The following ZNF324 variants were observed in gnomAD, a reference collection of about 807,000 sequenced individuals.
ZNF324 encodes zinc finger protein 324, also known as zinc finger protein 324A.
A neutral mutation model predicts 10.3 loss-of-function variants in ZNF324; 3 were observed. The ratio of observed to expected loss-of-function variants is 0.29; its 90% CI spans 0.13 to 0.75. The LOEUF is 0.75. ZNF324 is among the 30% of genes least tolerant of loss of function. The pLI is 0.69. For synonymous variants in ZNF324, 430 were observed against 339.5 expected, an observed-to-expected ratio of 1.27 and a Z score of -2.93; for missense variants, 763 against 784.4, an observed-to-expected ratio of 0.97 and a Z score of 0.33.
chr19:58,469,344 A>T, intron 2 of ZNF324, 38 bp downstream of exon 2: 1 of 1,606,802 alleles, frequency 6.2e-7, no homozygotes, highest in Non-Finnish European at 8.5e-7. Flanking sequence ...GGCAACTGAT[A>T]ACAAGCTGAC....
chr19:58,474,975 G>A lies in ZNF324; in HGVS notation c.*2821G>A, dbSNP rs571211037. ...GAGACGGGAGACCTATATCAAAGCTGCCTGGGGAACAACTACTGAAGAAGC... is the reference window on the plus strand; with the variant it reads ...GAGACGGGAGACCTATATCAAAGCTACCTGGGGAACAACTACTGAAGAAGC... On this transcript the variant is annotated 3_prime_UTR_variant, in exon 4 of 4. Transcript: ENST00000196482. 13 of 152,328 alleles carry A rather than the reference G, an allele frequency of 8.5e-5. No individual in the cohort carries two copies. Among genetic ancestry groups the A allele is most frequent in the Non-Finnish European group, 1.8e-4 (12 of 68,038 alleles). The allele number at this position is 152,328 out of a possible 1,614,324, so 9.4% of individuals were successfully genotyped here.
Position 58,472,461 on chromosome 19 carries a change from C to T in ZNF324, c.*307C>T, listed in dbSNP as rs185942096. ...ACAGTCACAGCACTGCACTGTGGTGCGGCTTCATGTGATATGACAGTGGAT... is the reference window on the plus strand; with the variant it reads ...ACAGTCACAGCACTGCACTGTGGTGTGGCTTCATGTGATATGACAGTGGAT... On this transcript the variant is annotated 3_prime_UTR_variant, in exon 4 of 4. Coordinates refer to ENST00000196482, the MANE Select transcript of ZNF324 (RefSeq NM_014347.3). 9 of 384,218 alleles carry T rather than the reference C, an allele frequency of 2.3e-5. No individual in the cohort carries two copies. The highest frequency in any genetic ancestry group is 8.2e-5 in the East Asian group (2 of 24,312). The allele number at this position is 384,218 out of a possible 1,614,324, so 23.8% of individuals were successfully genotyped here. A position where few individuals can be genotyped will look rare whatever the true frequency, so the allele number is the denominator to read the frequency against.
In ZNF324 at chr19:58,471,275, G is replaced by A. The variant is rs760237175; in HGVS notation, c.783G>A (p.Ala261=). 7.4e-6 allele frequency: 12 copies of A among 1,613,514 alleles called. No homozygotes were observed. The highest frequency in any genetic ancestry group is 2.2e-5 in the East Asian group (1 of 44,880). ...GGGAGAAGTCCTTCGAATGCAGGGC[G>A]TGCAGCAAAGTGTTCGTGAAGAGCT... ...HAGEKSFECR[A]CSKVFVKSSD... The change falls in exon 4 of 4, where the codon GCG becomes GCA. Residue 261 remains alanine (A), a synonymous_variant. Transcript: ENST00000196482.
chr19:58,471,826 T>A lies in ZNF324; in HGVS notation c.1334T>A (p.Leu445His), dbSNP rs767570409. Residue 445 changes from leucine (L) to histidine (H), a missense_variant, in exon 4 of 4, where the codon CTC becomes CAC. Physicochemically the swap from Leu to His is moderately conservative, Grantham distance 99. Around this residue, in one of 3 missense-constraint regions of ZNF324, gnomAD observed 231 missense variants for 196.0 expected, o/e 1.18. Coordinates refer to ENST00000196482, the MANE Select transcript of ZNF324 (RefSeq NM_014347.3). Reference sequence around the variant, plus strand: ...AGCTCCAACCTCACCCAGCACCAGCTCCTGCACACGGGCGAGCGGCCCTTC... The same window carrying A: ...AGCTCCAACCTCACCCAGCACCAGCACCTGCACACGGGCGAGCGGCCCTTC... ...SHSSNLTQHQ[L>H]LHTGERPFRC... 1 of 1,612,808 alleles carries A rather than the reference T, an allele frequency of 6.2e-7. No homozygotes were observed.
At position 58,471,432 on chromosome 19, in the gene ZNF324, G is replaced by A. The variant is rs746716576; in HGVS notation, c.940G>A (p.Ala314Thr). ...CATCCACAGCGGCGAGACGCCCTACGCGTGCCCCGTGTGCGGCAAGGCCTT... is the reference window on the plus strand; with the variant it reads ...CATCCACAGCGGCGAGACGCCCTACACGTGCCCCGTGTGCGGCAAGGCCTT... ...QRIHSGETPY[A>T]CPVCGKAFRH... The change falls in exon 4 of 4, where the codon GCG becomes ACG. Residue 314 changes from alanine (A) to threonine (T), a missense_variant. Transcript: ENST00000196482. The A allele has an allele frequency of 5.6e-6, 9 of 1,606,292 alleles. No homozygotes were observed. Among genetic ancestry groups the A allele is most frequent in the Admixed American group, 1.7e-5 (1 of 59,488 alleles).
At chr19:58,469,416 G>A (rs1023245086) in intron 2 of ZNF324, 110 bp downstream of exon 2, 3 of 1,419,386 alleles carry the variant, frequency 2.1e-6, no homozygotes, top group African/African-American at 2.9e-5. Flanking sequence ...CTTGCAGCCA[G>A]GAGCCATGTG....
At chr19:58,470,674 G>A in intron 3 of ZNF324, 57 bp from the exon 4 acceptor site, 4 of 1,609,400 alleles carry the variant, frequency 2.5e-6, no homozygotes, top group Non-Finnish European at 3.4e-6. Context: ...CACTCAGCCT[G>A]CCCTGGTCCT....
At position 58,475,360 on chromosome 19, in the gene ZNF324, G is replaced by A. The variant is rs1049099105; in HGVS notation, c.*3206G>A. The stretch of plus-strand genomic sequence containing the variant: ...TTAGAAAACTGTAACACTGCTTATT[G>A]GGAGAAACTAGTGTCACCCTGGCTA... On this transcript the variant is annotated 3_prime_UTR_variant, in exon 4 of 4. Coordinates refer to ENST00000196482, the MANE Select transcript of ZNF324 (RefSeq NM_014347.3). The A allele has an allele frequency of 1.2e-4, 18 of 152,158 alleles. No homozygotes were observed. Among genetic ancestry groups the A allele is most frequent in the South Asian group, 2.1e-4 (1 of 4,824 alleles). The allele number at this position is 152,158 out of a possible 1,614,324, so 9.4% of individuals were successfully genotyped here.
rs761200510 is a variant in ZNF324, at chr19:58,472,085, G to C, written c.1593G>C (p.Ala531=). ...RSVAGASSEG[A]PAKETEPTPA... is the part of the protein sequence containing the mutation. The stretch of plus-strand genomic sequence containing the variant: ...TTGCCGGGGCATCATCAGAAGGTGC[G>C]CCAGCGAAGGAAACCGAGCCCACTC... The change falls in exon 4 of 4, where the codon GCG becomes GCC. Residue 531 remains alanine, a synonymous_variant. Transcript: ENST00000196482. 8 of 1,600,522 alleles carry C rather than the reference G, an allele frequency of 5.0e-6. No individual in the cohort carries two copies. In the South Asian group the frequency reaches 6.6e-5, roughly 13 times the overall value.
Position 58,470,732 on chromosome 19 carries a change from T to G in ZNF324, c.240T>G (p.Gly80=), listed in dbSNP as rs770451913. 5 of 1,614,196 alleles carry G rather than the reference T, an allele frequency of 3.1e-6. No homozygotes were observed. The Admixed American group carries it at 6.7e-5, about 22-fold the overall frequency. The change falls in exon 4 of 4, where the codon GGT becomes GGG. Residue 80 remains glycine (G), a splice_region_variant and synonymous_variant. Transcript: ENST00000196482. The part of the protein sequence containing the change: ...SRTTYRRRNP[G]SWSLTEDRDV... ...CAACCACTGTTTCTCTGCCTTTAGG[T>G]TCCTGGAGTTTGACAGAGGATAGAG...
intron 2 of ZNF324, 132 bp from the exon 3 acceptor site, chr19:58,469,589 TTGCCCTG>T: frequency 2.5e-6 from 2 of 787,414 alleles, no homozygotes; most frequent in Non-Finnish European, 4.2e-6. Flanking sequence ...TGTGAGCCCC[TTGCCCTG>T]TGCCATCTTT....
rs1488232351 is a variant in ZNF324, at chr19:58,469,810, C to T, written c.204C>T (p.Thr68=). Residue 68 remains threonine, a synonymous_variant, in exon 3 of 4, where the codon ACC becomes ACT. Transcript: ENST00000196482. ...EPWVPSGTDT[T]LSRTTYRRRN... is the part of the protein sequence containing the mutation. ...GGGTTCCCAGTGGAACGGACACAAC[C>T]CTGTCCAGGACCACCTACAGGAGGC... 2.5e-6 allele frequency: 4 copies of T among 1,601,748 alleles called. No homozygotes were observed. Among genetic ancestry groups the T allele is most frequent in the African/African-American group, 1.3e-5 (1 of 74,850 alleles).
In ZNF324 at chr19:58,472,238, A is replaced by G. The variant is rs1453654255; in HGVS notation, c.*84A>G. The stretch of plus-strand genomic sequence containing the variant: ...TCCTCTGCAGATCCACAGCAGAGAA[A>G]AAGTCCCGTGCTTGCTAGTCAGGGA... On this transcript the variant is annotated 3_prime_UTR_variant, in exon 4 of 4. Coordinates refer to ENST00000196482, the MANE Select transcript of ZNF324 (RefSeq NM_014347.3). 16 of 1,368,606 alleles carry G rather than the reference A, an allele frequency of 1.2e-5. No homozygotes were observed. The highest frequency in any genetic ancestry group is 2.5e-5 in the East Asian group (1 of 40,568). The allele number at this position is 1,368,606 out of a possible 1,614,324, so 84.8% of individuals were successfully genotyped here. A position where few individuals can be genotyped will look rare whatever the true frequency, so the allele number is the denominator to read the frequency against.
At chr19:58,468,745 G>T (rs1207323653) in intron 1 of ZNF324, among the ~76,000 whole-genome samples, 2 of 152,138 alleles carry the variant, frequency 1.3e-5, no homozygotes, top group African/African-American at 4.8e-5. Flanking sequence ...CGTTGCCAGT[G>T]GGGAGGCCAA....
rs201171317 is a variant in ZNF324 at position 58,472,016 on chromosome 19, C to T, written c.1524C>T (p.Thr508=). The T allele has an allele frequency of 1.8e-4, 283 of 1,607,492 alleles. 1 individual carries two copies. The Middle Eastern group carries it at 3.1e-3, about 18-fold the overall frequency. The change falls in exon 4 of 4, where the codon ACC becomes ACT. Residue 508 remains threonine, a synonymous_variant. Transcript: ENST00000196482. ...AGAGGATCCATACCGGCGAGAAGAC[C>T]GTCCGGCGATCCAGGGCCAGCCTGC... The part of the protein sequence containing the change: ...HHQRIHTGEK[T]VRRSRASLHP...
intron 3 of ZNF324, 80 bp downstream of exon 3, chr19:58,469,924 A>C (rs1328708668): frequency 8.8e-7 from 1 of 1,137,626 alleles, no homozygotes; most frequent in Non-Finnish European, 1.3e-6. Context: ...GACTCCCCAG[A>C]AGCACCCTCC....
At position 58,475,319 on chromosome 19, in the gene ZNF324, A is replaced by T. The variant is rs2053071488; in HGVS notation, c.*3165A>T. 1 of 152,216 alleles carries T rather than the reference A, an allele frequency of 6.6e-6. No homozygotes were observed. Among genetic ancestry groups the T allele is most frequent in the African/African-American group, 2.4e-5 (1 of 41,446 alleles). 9.4% of individuals were successfully genotyped at this position (152,216 alleles called of 1,614,324 possible). The stretch of plus-strand genomic sequence containing the variant: ...CGGCCACTTTTAAGTGTGGAAGCAA[A>T]ACTGACCCCACAGATTTAGAAAACT... On this transcript the variant is annotated 3_prime_UTR_variant, in exon 4 of 4. Coordinates refer to ENST00000196482, the MANE Select transcript of ZNF324 (RefSeq NM_014347.3).
At chr19:58,468,223 C>T (rs2052998689) in intron 1 of ZNF324, 1 of 985,370 alleles carries the variant, frequency 1.0e-6, no homozygotes, top group Non-Finnish European at 1.2e-6. Flanking sequence ...TTGTTGGCGT[C>T]CTGGGCTGTG....
Position 58,471,836 on chromosome 19 carries a change from G to A in ZNF324, c.1344G>A (p.Thr448=), listed in dbSNP as rs536947978. The change falls in exon 4 of 4, where the codon ACG becomes ACA. Residue 448 remains threonine, a synonymous_variant. Transcript: ENST00000196482. ...TCACCCAGCACCAGCTCCTGCACACGGGCGAGCGGCCCTTCCGCTGCGTGG... is the reference window on the plus strand; with the variant it reads ...TCACCCAGCACCAGCTCCTGCACACAGGCGAGCGGCCCTTCCGCTGCGTGG... ...SNLTQHQLLH[T]GERPFRCVDC... is the part of the protein sequence containing the mutation. 101 of 1,612,804 alleles carry A rather than the reference G, an allele frequency of 6.3e-5. No homozygotes were observed. The South Asian group carries it at 9.3e-4, about 15-fold the overall frequency.
Sources: allele counts gnomAD v4.1 joint callset (sites outside exome capture counted in the v4.1 genomes callset), GRCh38; gene constraint gnomAD v4.1.1; regional missense constraint gnomAD v4.1.1; transcripts MANE v1.5; gene names NCBI Gene and HGNC (gene_info 2026-07-23, HGNC 2026-07-21).